The following PDGFRL variants were observed in gnomAD, a reference collection of about 807,000 sequenced individuals.
PDGFRL encodes the protein platelet-derived growth factor receptor-like protein.
PDGFRL carries 46 observed loss-of-function variants against 37.2 expected under a neutral mutation model. That is an observed-to-expected ratio of 1.24 (90% CI 0.98 to 1.58). PDGFRL has a LOEUF of 1.58. PDGFRL is among the 40% of genes most tolerant of loss of function. The pLI is 0.00. For missense variants in PDGFRL, 692 were observed against 467.6 expected, an observed-to-expected ratio of 1.48 and a Z score of -4.43; for synonymous variants, 251 against 184.3, an observed-to-expected ratio of 1.36 and a Z score of -2.93.
At chr8:17,590,283 A>G (rs1563507084) in intron 2 of PDGFRL, among the ~76,000 whole-genome samples, 2 of 149,412 alleles carry the variant, frequency 1.3e-5, no homozygotes, top group Non-Finnish European at 3.0e-5. Flanking sequence ...CATTTGCTGA[A>G]AGAGTGAAAT....
chr8:17,613,456 C>A lies in PDGFRL; in HGVS notation c.354-7595C>A, dbSNP rs1052963681. ...AAGGGGGACTTCGCAGTATGGCGGG[C>A]AGAGTCCAGGCAGTGCCAAGAATAG... On this transcript the variant is annotated intron_variant, in intron 2 of 5. Coordinates refer to ENST00000251630, the MANE Select transcript of PDGFRL (RefSeq NM_001372073.1). Among the ~76,000 whole-genome samples the A allele has an allele frequency of 6.2e-4, 95 of 152,174 alleles. No individual in the cohort carries two copies. The Middle Eastern group carries it at 0.01, about 16-fold the overall frequency.
intron 5 of PDGFRL, among the ~76,000 whole-genome samples, chr8:17,635,783 C>T (rs548061768): frequency 2.0e-5 from 3 of 152,068 alleles, no homozygotes; most frequent in Non-Finnish European, 2.9e-5. Flanking sequence ...ATGCCAACAT[C>T]GATTATTTTT....
chr8:17,640,968 C>G (rs10888138), intron 5 of PDGFRL, among the ~76,000 whole-genome samples: 93,834 of 151,134 alleles, frequency 0.62, 29,824 homozygotes, highest in Middle Eastern at 0.72. Flanking sequence ...TTGGGACTGG[C>G]GGTGTGGTTC....
chr8:17,613,352 G>A lies in PDGFRL; in HGVS notation c.354-7699G>A, dbSNP rs115908996. 5.8e-3 allele frequency among the ~76,000 whole-genome samples: 881 copies of A among 152,272 alleles called. 6 individuals are homozygous for A. The highest frequency in any genetic ancestry group is 0.02 in the African/African-American group (845 of 41,544). ...AAGGAGGAAGAGGAGCTTTTCCTTTGTAAAGGACCTGGATATGCTGGACAG... is the reference window on the plus strand; with the variant it reads ...AAGGAGGAAGAGGAGCTTTTCCTTTATAAAGGACCTGGATATGCTGGACAG... On this transcript the variant is annotated intron_variant, in intron 2 of 5. Transcript: ENST00000251630.
intron 1 of PDGFRL, 28 bp from the exon 2 acceptor site, chr8:17,589,440 C>A (rs758620660): frequency 1.3e-6 from 2 of 1,557,186 alleles, no homozygotes; most frequent in Non-Finnish European, 1.8e-6. Context: ...ATTACTACAG[C>A]GCATTTCTCT....
In PDGFRL at chr8:17,642,970, G is replaced by A. The variant is rs995891261; in HGVS notation, c.*169G>A. On this transcript the variant is annotated 3_prime_UTR_variant, in exon 6 of 6. Coordinates refer to ENST00000251630, the MANE Select transcript of PDGFRL (RefSeq NM_001372073.1). ...ATCCAAACTAAAAGGAAGTCATCCA[G>A]TCTATTCACAGAAGTGTTAACTTTT... 1 of 570,810 alleles carries A rather than the reference G, an allele frequency of 1.8e-6. No homozygotes were observed. Among genetic ancestry groups the A allele is most frequent in the African/African-American group, 1.9e-5 (1 of 53,038 alleles). The allele number at this position is 570,810 out of a possible 1,614,324, so 35.4% of individuals were successfully genotyped here.
intron 1 of PDGFRL, among the ~76,000 whole-genome samples, chr8:17,580,305 G>C (rs191430440): frequency 6.6e-6 from 1 of 151,870 alleles, no homozygotes. Context: ...TGACACTTTC[G>C]TGTCTTCGTT....
upstream of PDGFRL, chr8:17,577,127 C>G: frequency 1.4e-6 from 2 of 1,409,534 alleles, no homozygotes. Context: ...AACCTTGTTC[C>G]TCCTGAAGAA....
chr8:17,627,627 A>C (rs28446926), intron 3 of PDGFRL, among the ~76,000 whole-genome samples: 21,223 of 149,890 alleles, frequency 0.14, 2,208 homozygotes, highest in African/African-American at 0.3. Context: ...GCACCACCAC[A>C]CTCAGCTAAT....
chr8:17,605,532 C>A (rs1804255723), intron 2 of PDGFRL, among the ~76,000 whole-genome samples: 1 of 152,074 alleles, frequency 6.6e-6, no homozygotes, highest in Non-Finnish European at 1.5e-5. Flanking sequence ...GGGTGTAAAG[C>A]CAGAGAATTC....
rs1298375315 is a variant in PDGFRL at position 17,628,795 on chromosome 8, C to A, written c.799+15C>A. On this transcript the variant is annotated intron_variant, in intron 4 of 5. Transcript: ENST00000251630. ...CTATGTGGCGGGTAAGCCTGGCCACCCCTGCCTAGATTCTAGTTAGTCCCC... is the reference window on the plus strand; with the variant it reads ...CTATGTGGCGGGTAAGCCTGGCCACACCTGCCTAGATTCTAGTTAGTCCCC... The A allele has an allele frequency of 6.3e-7, 1 of 1,596,714 alleles. No individual in the cohort carries two copies. Among genetic ancestry groups the A allele is most frequent in the East Asian group, 2.2e-5 (1 of 44,746 alleles).
chr8:17,609,906 T>C (rs1291114236), intron 2 of PDGFRL, among the ~76,000 whole-genome samples: 1 of 152,158 alleles, frequency 6.6e-6, no homozygotes, highest in Non-Finnish European at 1.5e-5. Context: ...AGGTTTCTGA[T>C]GTTACTCAGA....
At chr8:17,617,520 C>T (rs1466560448) in intron 2 of PDGFRL, among the ~76,000 whole-genome samples, 1 of 152,070 alleles carries the variant, frequency 6.6e-6, no homozygotes, top group Non-Finnish European at 1.5e-5. Flanking sequence ...CTGCAGAGGC[C>T]CTCGGTCACT....
chr8:17,601,717 G>T (rs1804170195), intron 2 of PDGFRL, among the ~76,000 whole-genome samples: 1 of 152,134 alleles, frequency 6.6e-6, no homozygotes. Flanking sequence ...AGAGCATGTG[G>T]TATTTAGTCT....
intron 2 of PDGFRL, among the ~76,000 whole-genome samples, chr8:17,592,938 ACACACACACACAC>A (rs1222562557): frequency 1.2e-5 from 1 of 82,644 alleles, no homozygotes; most frequent in East Asian, 6.2e-4. Flanking sequence ...ACACACACAC[ACACACACACACAC>A]TACTCTACAC....
At position 17,622,203 on chromosome 8, in the gene PDGFRL, G is replaced by A. The variant is rs377477738; in HGVS notation, c.505+1001G>A. Among the ~76,000 whole-genome samples, 11 of 152,364 alleles carry A rather than the reference G, an allele frequency of 7.2e-5. No individual in the cohort carries two copies. The East Asian group carries it at 1.9e-3, about 27-fold the overall frequency. On this transcript the variant is annotated intron_variant, in intron 3 of 5. Transcript: ENST00000251630. Reference sequence around the variant, plus strand: ...CTGCTCAGCCTCTTTCTTCTGTAATGTTCTCTAAGTTCTGAAGTTTAGGGG... The same window carrying A: ...CTGCTCAGCCTCTTTCTTCTGTAATATTCTCTAAGTTCTGAAGTTTAGGGG...
chr8:17,610,172 C>T (rs1311074413), intron 2 of PDGFRL, among the ~76,000 whole-genome samples: 1 of 152,322 alleles, frequency 6.6e-6, no homozygotes, highest in East Asian at 1.9e-4. Flanking sequence ...TGTCCTCACT[C>T]ATCTTCCAGG....
Position 17,621,121 on chromosome 8 carries a change from A to G in PDGFRL, c.424A>G (p.Ser142Gly). ...CACCTCGGCAGACACAGGTGAATTC[A>G]GCTGCTGGGTGCAGCTCTGCAGCGG... ...NSTSADTGEF[S>G]CWVQLCSGYI... The change falls in exon 3 of 6, where the codon AGC becomes GGC. Residue 142 changes from serine to glycine, a missense_variant. Transcript: ENST00000251630. 6.2e-7 allele frequency: 1 copy of G among 1,612,242 alleles called. No individual in the cohort carries two copies. Among genetic ancestry groups the G allele is most frequent in the Non-Finnish European group, 8.5e-7 (1 of 1,178,658 alleles).
At chr8:17,638,512 T>C (rs1471585266) in intron 5 of PDGFRL, among the ~76,000 whole-genome samples, 4 of 151,884 alleles carry the variant, frequency 2.6e-5, no homozygotes, top group Admixed American at 2.6e-4. Flanking sequence ...ATAGAATGTA[T>C]ATTCTGCAGT....
Sources: allele counts gnomAD v4.1 joint callset (sites outside exome capture counted in the v4.1 genomes callset), GRCh38; gene constraint gnomAD v4.1.1; transcripts MANE v1.5; gene names NCBI Gene and HGNC (gene_info 2026-07-23, HGNC 2026-07-21).